The following CSMD3 variants were observed in gnomAD, a reference collection of about 807,000 sequenced individuals.
The protein encoded by CSMD3 is CUB and Sushi multiple domains 3.
CSMD3 carries 177 observed loss-of-function variants against 435.2 expected under a neutral mutation model. The observed-to-expected ratio is 0.41, with a 90% CI of 0.36 to 0.46. The LOEUF (loss-of-function observed/expected upper bound fraction) is 0.46. CSMD3 is among the 20% of genes least tolerant of loss of function. CSMD3 has a pLI of 0.34. For missense variants in CSMD3, 4,265 were observed against 4,504.6 expected (o/e 0.95, Z 1.52); for synonymous variants, 1,656 against 1,520.5 (o/e 1.09, Z -2.07).
chr8:113,132,532 G>A (rs1206758577), intron 4 of CSMD3, among the ~76,000 whole-genome samples: 1 of 152,082 alleles, frequency 6.6e-6, no homozygotes, highest in Non-Finnish European at 1.5e-5. Flanking sequence ...AGATGTACCT[G>A]CTTCCTCTTT....
chr8:113,328,148 G>A (rs1385603629), intron 1 of CSMD3, among the ~76,000 whole-genome samples: 1 of 152,004 alleles, frequency 6.6e-6, no homozygotes, highest in Non-Finnish European at 1.5e-5. Flanking sequence ...GGGATAAGAT[G>A]AAAGATGGGG....
intron 49 of CSMD3, among the ~76,000 whole-genome samples, chr8:112,313,126 A>G (rs535324206): frequency 6.8e-4 from 104 of 152,306 alleles, no homozygotes; most frequent in African/African-American, 2.2e-3. Flanking sequence ...CACATAATAG[A>G]GGACTATTTA....
chr8:113,084,743 T>C (rs2089695270), intron 5 of CSMD3, among the ~76,000 whole-genome samples: 1 of 151,492 alleles, frequency 6.6e-6, no homozygotes, highest in Non-Finnish European at 1.5e-5. Context: ...TAAACCAGCA[T>C]GGCATTGGTA....
At chr8:112,551,957 T>G (rs1763870628) in intron 26 of CSMD3, among the ~76,000 whole-genome samples, 1 of 152,120 alleles carries the variant, frequency 6.6e-6, no homozygotes, top group South Asian at 2.1e-4. Flanking sequence ...CTGTGATAGC[T>G]TTGGAAGTCA....
At chr8:112,768,957 C>G (rs2078046605) in intron 13 of CSMD3, among the ~76,000 whole-genome samples, 1 of 151,926 alleles carries the variant, frequency 6.6e-6, no homozygotes, top group South Asian at 2.1e-4. Flanking sequence ...CAATGTTCAG[C>G]TATTTATTCA....
chr8:113,258,197 A>G (rs1419892549), intron 3 of CSMD3, among the ~76,000 whole-genome samples: 1 of 152,228 alleles, frequency 6.6e-6, no homozygotes, highest in Non-Finnish European at 1.5e-5. Context: ...CATAATGGCC[A>G]AAACAGGATT....
chr8:112,688,875 C>A (rs975966996), intron 14 of CSMD3, among the ~76,000 whole-genome samples: 3 of 151,744 alleles, frequency 2.0e-5, no homozygotes, highest in Non-Finnish European at 4.4e-5. Flanking sequence ...CACTAAATGC[C>A]TTTTGGAATC....
chr8:112,479,509 G>A (rs1819413734), intron 31 of CSMD3, among the ~76,000 whole-genome samples: 1 of 152,138 alleles, frequency 6.6e-6, no homozygotes, highest in African/African-American at 2.4e-5. Flanking sequence ...ATCATCACAG[G>A]CCCAGAGGCT....
At chr8:113,374,898 TTA>T (rs1256633734) in intron 1 of CSMD3, among the ~76,000 whole-genome samples, 9 of 148,906 alleles carry the variant, frequency 6.0e-5, no homozygotes, top group African/African-American at 2.3e-4. Context: ...GAGTGTAAGA[TTA>T]ATGCTGCCTA....
chr8:112,315,701 A>G lies in CSMD3; in HGVS notation c.7361-1084T>C, dbSNP rs185737552. ...ACTGGACTATCTTTTGGGTGTTCTT[A>G]CTGAGAACATTTAGGCAACTGAATG... is the stretch of plus-strand genomic sequence containing the variant. On this transcript the variant is annotated intron_variant, in intron 47 of 70. Transcript: ENST00000297405. 7.2e-5 allele frequency among the ~76,000 whole-genome samples: 11 copies of G among 151,988 alleles called. No homozygotes were observed. In the East Asian group the frequency reaches 1.4e-3, roughly 19 times the overall value.
At chr8:113,283,879 C>T (rs1194248982) in intron 2 of CSMD3, among the ~76,000 whole-genome samples, 1 of 152,056 alleles carries the variant, frequency 6.6e-6, no homozygotes, top group Non-Finnish European at 1.5e-5. Context: ...ATACACATAT[C>T]ATATATATGA....
chr8:112,852,171 A>G (rs1030742650), intron 11 of CSMD3, among the ~76,000 whole-genome samples: 1 of 152,184 alleles, frequency 6.6e-6, no homozygotes, highest in Non-Finnish European at 1.5e-5. Flanking sequence ...AGATAATAGA[A>G]TGGACACATG....
At chr8:113,042,512 G>A (rs972061766) in intron 5 of CSMD3, among the ~76,000 whole-genome samples, 32 of 152,116 alleles carry the variant, frequency 2.1e-4, no homozygotes, top group African/African-American at 4.8e-4. Flanking sequence ...ATAATCTAAC[G>A]TTATAATTTT....
intron 22 of CSMD3, among the ~76,000 whole-genome samples, chr8:112,618,771 G>A (rs1424565103): frequency 3.3e-5 from 5 of 151,838 alleles, no homozygotes; most frequent in African/African-American, 1.2e-4. Context: ...ATAGAGAGGA[G>A]GGCTAATACT....
intron 5 of CSMD3, among the ~76,000 whole-genome samples, chr8:113,024,142 A>T (rs1277962755): frequency 1.3e-5 from 2 of 151,980 alleles, no homozygotes; most frequent in African/African-American, 4.8e-5. Context: ...TCGTTTTTAG[A>T]TTCTGAATAT....
At chr8:112,938,348 A>G (rs1447673399) in intron 9 of CSMD3, among the ~76,000 whole-genome samples, 1 of 152,210 alleles carries the variant, frequency 6.6e-6, no homozygotes, top group Non-Finnish European at 1.5e-5. Context: ...GTCTGACTGT[A>G]TACCTCGAAT....
intron 13 of CSMD3, among the ~76,000 whole-genome samples, chr8:112,698,205 CA>C (rs35008354): frequency 6.6e-6 from 1 of 151,614 alleles, no homozygotes; most frequent in Non-Finnish European, 1.5e-5. Context: ...TTCTCACTAA[CA>C]AAAAAGAGCA....
At chr8:112,689,211 C>T (rs1206213769) in intron 14 of CSMD3, among the ~76,000 whole-genome samples, 1 of 151,940 alleles carries the variant, frequency 6.6e-6, no homozygotes, top group African/African-American at 2.4e-5. Context: ...GAAATTTCTG[C>T]CAGATTCTAA....
intron 27 of CSMD3, among the ~76,000 whole-genome samples, chr8:112,547,801 T>A (rs892970677): frequency 9.3e-5 from 14 of 150,858 alleles, no homozygotes; most frequent in Non-Finnish European, 1.3e-4. Flanking sequence ...AGAGAGAGAG[T>A]GTATGAAATT....
Sources: allele counts gnomAD v4.1 joint callset (sites outside exome capture counted in the v4.1 genomes callset), GRCh38; gene constraint gnomAD v4.1.1; transcripts MANE v1.5; gene names NCBI Gene and HGNC (gene_info 2026-07-23, HGNC 2026-07-21).